The following MGAT5 variants were observed in gnomAD, a reference collection of about 807,000 sequenced individuals.
The protein encoded by MGAT5 is alpha-1,6-mannosylglycoprotein 6-beta-N-acetylglucosaminyltransferase A.
Under a neutral mutation model 94.3 loss-of-function variants are expected in MGAT5, and 30 were observed. The observed-to-expected ratio is 0.32, with a 90% CI of 0.24 to 0.43. MGAT5 has a LOEUF of 0.43. MGAT5 is among the 20% of genes least tolerant of loss of function. The pLI is 1.00. For missense variants in MGAT5, 691 were observed against 905.5 expected (o/e 0.76, Z 3.04); for synonymous variants, 310 against 322.9 (o/e 0.96, Z 0.43).
At chr2:134,324,133 A>C (rs1687507595) in intron 4 of MGAT5, among the ~76,000 whole-genome samples, 1 of 152,160 alleles carries the variant, frequency 6.6e-6, no homozygotes, top group South Asian at 2.1e-4. Flanking sequence ...TTGTTACAGA[A>C]CCTAGGAAGC....
intron 10 of MGAT5, among the ~76,000 whole-genome samples, chr2:134,390,938 T>C (rs1484341955): frequency 6.6e-6 from 1 of 152,206 alleles, no homozygotes; most frequent in Non-Finnish European, 1.5e-5. Flanking sequence ...CTCAGACTTT[T>C]GCCTCTCTTT....
intron 1 of MGAT5, among the ~76,000 whole-genome samples, chr2:134,226,812 T>C (rs1681089059): frequency 6.6e-6 from 1 of 152,150 alleles, no homozygotes; most frequent in Admixed American, 6.5e-5. Flanking sequence ...GGTTCTTTAG[T>C]ACATGACTAA....
At chr2:134,403,168 G>A in intron 11 of MGAT5, 31 bp downstream of exon 11, 1 of 1,572,172 alleles carries the variant, frequency 6.4e-7, no homozygotes, top group South Asian at 1.2e-5. Context: ...TGGTGTTCAG[G>A]TTATTGCCAT....
At chr2:134,185,307 C>T (rs914873651) in intron 1 of MGAT5, among the ~76,000 whole-genome samples, 1 of 152,142 alleles carries the variant, frequency 6.6e-6, no homozygotes, top group African/African-American at 2.4e-5. Flanking sequence ...CTTTCAATCC[C>T]CTATCTTTAC....
intron 1 of MGAT5, among the ~76,000 whole-genome samples, chr2:134,124,884 C>T (rs1368573154): frequency 3.9e-5 from 6 of 152,350 alleles, no homozygotes; most frequent in African/African-American, 1.4e-4. Flanking sequence ...CCACCCACTC[C>T]TGTTTGAACT....
intron 10 of MGAT5, among the ~76,000 whole-genome samples, chr2:134,381,631 A>C (rs1681641428): frequency 6.6e-6 from 1 of 152,096 alleles, no homozygotes; most frequent in African/African-American, 2.4e-5. Context: ...AACAGGAGAG[A>C]TTAGCCAGAG....
rs1422202719 is a variant in MGAT5 at position 134,310,972 on chromosome 2, C to A, written c.407-6557C>A. Among the ~76,000 whole-genome samples, 4 of 152,206 alleles carry A rather than the reference C, an allele frequency of 2.6e-5. No individual in the cohort carries two copies. The East Asian group carries it at 5.8e-4, about 22-fold the overall frequency. ...TCATTTGGCTGCACTTTGCAGGGGC[C>A]ATCTGATAAGCATGGCCACATGTTC... is the stretch of plus-strand genomic sequence containing the variant. On this transcript the variant is annotated intron_variant, in intron 2 of 15. Coordinates refer to ENST00000281923, the MANE Select transcript of MGAT5 (RefSeq NM_002410.5).
chr2:134,242,346 A>G (rs1472386767), intron 1 of MGAT5, among the ~76,000 whole-genome samples: 2 of 152,212 alleles, frequency 1.3e-5, no homozygotes, highest in East Asian at 1.9e-4. Context: ...CAGTTGTCCT[A>G]TAAGGACTCC....
chr2:134,215,315 T>C (rs1342736181), intron 1 of MGAT5, among the ~76,000 whole-genome samples: 1 of 152,212 alleles, frequency 6.6e-6, no homozygotes, highest in African/African-American at 2.4e-5. Flanking sequence ...CTGTTAGGTG[T>C]TGCTATAATA....
Position 134,225,379 on chromosome 2 carries a change from G to T in MGAT5, c.-142-28883G>T, listed in dbSNP as rs1266043466. On this transcript the variant is annotated intron_variant, in intron 1 of 16. Coordinates refer to the MGAT5 transcript ENST00000409645. ...AGATCCTCACACGAGTCACACAAGA[G>T]TGATGTTCAAGGAGCAGTTATAGGC... is the stretch of plus-strand genomic sequence containing the variant. 3.9e-5 allele frequency among the ~76,000 whole-genome samples: 6 copies of T among 152,348 alleles called. No individual in the cohort carries two copies. In the East Asian group the frequency reaches 7.7e-4, roughly 20 times the overall value.
intron 2 of MGAT5, among the ~76,000 whole-genome samples, chr2:134,316,047 T>C (rs983799939): frequency 1.3e-5 from 2 of 152,234 alleles, no homozygotes; most frequent in Non-Finnish European, 2.9e-5. Context: ...TTTTGATTAA[T>C]GCTTTCTTTA....
intron 9 of MGAT5, among the ~76,000 whole-genome samples, chr2:134,356,041 ATTTAT>A (rs572580816): frequency 1.3e-5 from 2 of 152,126 alleles, no homozygotes; most frequent in Non-Finnish European, 2.9e-5. Flanking sequence ...GTATAGTTTT[ATTTAT>A]TTTATTTTAT....
chr2:134,303,141 G>A (rs1198272801), intron 2 of MGAT5, among the ~76,000 whole-genome samples: 1 of 151,968 alleles, frequency 6.6e-6, no homozygotes, highest in Non-Finnish European at 1.5e-5. Context: ...TCTGTTTTTA[G>A]GTTAAGTAAT....
At chr2:134,380,276 C>T (rs1016502860) in intron 10 of MGAT5, among the ~76,000 whole-genome samples, 1 of 152,184 alleles carries the variant, frequency 6.6e-6, no homozygotes, top group Non-Finnish European at 1.5e-5. Context: ...GAAATACGCA[C>T]GTGGCATAGT....
At chr2:134,321,711 T>G (rs565609095) in intron 4 of MGAT5, among the ~76,000 whole-genome samples, 2 of 152,338 alleles carry the variant, frequency 1.3e-5, no homozygotes, top group African/African-American at 4.8e-5. Context: ...GTGGTCTTTT[T>G]GTTGCTTGGC....
rs527665709 is a variant in MGAT5 at position 134,188,952 on chromosome 2, G to T, written c.-142-65310G>T. Among the ~76,000 whole-genome samples, 5 of 152,286 alleles carry T rather than the reference G, an allele frequency of 3.3e-5. No individual in the cohort carries two copies. The South Asian group carries it at 1.0e-3, about 32-fold the overall frequency. ...TTCAACTATGGTTTTATTATAAAGGGTCTAAGTGAAGGTCAGTCAAATGAA... is the reference window on the plus strand; with the variant it reads ...TTCAACTATGGTTTTATTATAAAGGTTCTAAGTGAAGGTCAGTCAAATGAA... On this transcript the variant is annotated intron_variant, in intron 1 of 16. Transcript: ENST00000409645.
At chr2:134,322,627 C>T (rs766571582) in intron 4 of MGAT5, among the ~76,000 whole-genome samples, 5 of 152,106 alleles carry the variant, frequency 3.3e-5, no homozygotes, top group Admixed American at 6.6e-5. Context: ...TTTGTAAAAC[C>T]GATTAATTCC....
intron 1 of MGAT5, among the ~76,000 whole-genome samples, chr2:134,171,287 C>A (rs72843952): frequency 0.019 from 2,842 of 152,194 alleles, 29 homozygotes; most frequent in Non-Finnish European, 0.026. Context: ...ATACTATAAA[C>A]TCCTGAGTTT....
At chr2:134,345,844 G>A (rs1338221655) in intron 8 of MGAT5, among the ~76,000 whole-genome samples, 3 of 152,070 alleles carry the variant, frequency 2.0e-5, no homozygotes, top group Non-Finnish European at 4.4e-5. Flanking sequence ...TATCTATTCT[G>A]AATTGTAAAA....
Sources: gnomAD v4.1 joint callset for allele counts (sites outside exome capture counted in the v4.1 genomes callset) on GRCh38, gnomAD v4.1.1 for gene constraint, MANE v1.5 for transcripts, NCBI Gene and HGNC (gene_info 2026-07-23, HGNC 2026-07-21) for gene names.